Variants in CD2AP observed in about 807,000 individuals in gnomAD.
CD2AP encodes the protein CD2 associated protein, also known as CD2-associated protein.
In CD2AP, 46 loss-of-function variants were observed where a neutral mutation model predicts 85.1. The ratio of observed to expected loss-of-function variants is 0.54; its 90% CI spans 0.43 to 0.69. The LOEUF is 0.69. Among genes scored for constraint, CD2AP ranks in the 30% least tolerant of loss-of-function variants. The pLI is 0.00. For synonymous variants in CD2AP, 255 were observed against 252.9 expected (o/e 1.01, Z -0.08); for missense variants, 769 against 729.5 (o/e 1.05, Z -0.62).
intron 1 of CD2AP, among the ~76,000 whole-genome samples, chr6:47,498,002 T>G (rs1765910118): frequency 6.6e-6 from 1 of 152,170 alleles, no homozygotes; most frequent in Non-Finnish European, 1.5e-5. Flanking sequence ...TTTCATGTCT[T>G]CCTCTGTTTT....
chr6:47,514,222 T>G (rs1766394128), intron 2 of CD2AP, among the ~76,000 whole-genome samples: 3 of 152,202 alleles, frequency 2.0e-5, no homozygotes, highest in Admixed American at 2.0e-4. Context: ...TTTTTGTGTT[T>G]AGTATGATTA....
At chr6:47,575,835 A>G (rs1768293173) in intron 6 of CD2AP, among the ~76,000 whole-genome samples, 1 of 152,202 alleles carries the variant, frequency 6.6e-6, no homozygotes, top group South Asian at 2.1e-4. Flanking sequence ...AATGAAGTAT[A>G]AAGAGTTTTT....
chr6:47,509,037 T>G (rs906128736), intron 2 of CD2AP, among the ~76,000 whole-genome samples: 1 of 152,204 alleles, frequency 6.6e-6, no homozygotes, highest in Admixed American at 6.5e-5. Flanking sequence ...AGCTTTTGAT[T>G]TAAGTCAGAG....
chr6:47,512,518 T>C (rs1384543477), intron 2 of CD2AP, among the ~76,000 whole-genome samples: 2 of 152,212 alleles, frequency 1.3e-5, no homozygotes, highest in Non-Finnish European at 2.9e-5. Flanking sequence ...TGCTGAATTG[T>C]TTTTGTGGCT....
intron 4 of CD2AP, among the ~76,000 whole-genome samples, chr6:47,546,273 C>T (rs1354252290): frequency 3.9e-5 from 6 of 152,012 alleles, no homozygotes; most frequent in Non-Finnish European, 7.4e-5. Flanking sequence ...AGCTTAAAGA[C>T]AAGGTTTTTG....
intron 1 of CD2AP, among the ~76,000 whole-genome samples, chr6:47,483,410 A>G (rs1229361637): frequency 2.0e-5 from 3 of 152,172 alleles, no homozygotes; most frequent in African/African-American, 7.2e-5. Context: ...TCAGACTGGC[A>G]TCTTGGGGGA....
intron 2 of CD2AP, among the ~76,000 whole-genome samples, chr6:47,507,899 T>A (rs567774291): frequency 1.3e-5 from 2 of 152,348 alleles, no homozygotes; most frequent in South Asian, 4.1e-4. Flanking sequence ...ATCATCAATA[T>A]GCATTAGTAT....
chr6:47,618,476 C>G (rs568841141), intron 17 of CD2AP, among the ~76,000 whole-genome samples: 75 of 151,528 alleles, frequency 4.9e-4, no homozygotes, highest in Non-Finnish European at 8.7e-4. Flanking sequence ...TTTTTTTTAT[C>G]TTTGCTCATA....
chr6:47,558,500 A>G (rs751625179), intron 5 of CD2AP, among the ~76,000 whole-genome samples: 16 of 152,188 alleles, frequency 1.1e-4, no homozygotes, highest in Non-Finnish European at 1.3e-4. Context: ...ATGTTCCATC[A>G]ATACCTAGTT....
At chr6:47,511,073 C>CAAAAAAAAA (rs70999630) in intron 2 of CD2AP, among the ~76,000 whole-genome samples, 1 of 51,880 alleles carries the variant, frequency 1.9e-5, no homozygotes. Context: ...CTCTGTGTCT[C>CAAAAAAAAA]AAAAAAAAAA....
intron 2 of CD2AP, among the ~76,000 whole-genome samples, chr6:47,524,503 A>G (rs1362851164): frequency 6.6e-6 from 1 of 152,228 alleles, no homozygotes; most frequent in Non-Finnish European, 1.5e-5. Context: ...TAGATGAACA[A>G]AACTATTAGG....
At chr6:47,530,789 G>A (rs1190899157) in intron 2 of CD2AP, among the ~76,000 whole-genome samples, 1 of 152,126 alleles carries the variant, frequency 6.6e-6, no homozygotes, top group Non-Finnish European at 1.5e-5. Flanking sequence ...GTGATACTAT[G>A]TCAAGTAGTA....
intron 11 of CD2AP, among the ~76,000 whole-genome samples, chr6:47,591,961 A>G (rs531281104): frequency 1.1e-4 from 16 of 152,192 alleles, no homozygotes; most frequent in South Asian, 8.3e-4. Flanking sequence ...AGTAGCTGGG[A>G]CTAAAGGTAC....
intron 5 of CD2AP, among the ~76,000 whole-genome samples, chr6:47,571,019 C>T (rs1265881732): frequency 6.6e-6 from 1 of 152,184 alleles, no homozygotes; most frequent in East Asian, 1.9e-4. Context: ...AACCCCCTTC[C>T]CTGCCTTTTT....
chr6:47,615,662 G>A (rs968464848), intron 17 of CD2AP, among the ~76,000 whole-genome samples: 1 of 151,956 alleles, frequency 6.6e-6, no homozygotes, highest in Non-Finnish European at 1.5e-5. Context: ...CTCTCACCTG[G>A]CCCCACCTCC....
chr6:47,622,865 T>A (rs1438078785), intron 17 of CD2AP, among the ~76,000 whole-genome samples: 1 of 152,190 alleles, frequency 6.6e-6, no homozygotes, highest in Non-Finnish European at 1.5e-5. Flanking sequence ...GCCATGATGA[T>A]CCCTGTCCAG....
At chr6:47,482,341 C>A (rs548887822) in intron 1 of CD2AP, among the ~76,000 whole-genome samples, 6 of 150,402 alleles carry the variant, frequency 4.0e-5, no homozygotes, top group Non-Finnish European at 8.9e-5. Context: ...TTATAGTTTC[C>A]TGTAGAAATG....
chr6:47,626,962 T>G lies in CD2AP; in HGVS notation c.*2735T>G, dbSNP rs1769923671. 1 of 152,492 alleles carries G rather than the reference T, an allele frequency of 6.6e-6. No homozygotes were observed. The highest frequency in any genetic ancestry group is 2.4e-5 in the African/African-American group (1 of 41,436). 9.4% of individuals were successfully genotyped at this position (152,492 alleles called of 1,614,324 possible). ...TATTTTTGGCTATAAAATTTTACCC[T>G]GACTTGCTTTCAATAACTGTTACGT... On this transcript the variant is annotated 3_prime_UTR_variant, in exon 18 of 18. Coordinates refer to ENST00000359314, the MANE Select transcript of CD2AP (RefSeq NM_012120.3).
intron 1 of CD2AP, among the ~76,000 whole-genome samples, chr6:47,494,770 A>G (rs1765815855): frequency 6.6e-6 from 1 of 152,190 alleles, no homozygotes; most frequent in Non-Finnish European, 1.5e-5. Context: ...AGTCATCAAA[A>G]TTACCATTTA....
Sources: gnomAD v4.1 joint callset for allele counts (sites outside exome capture counted in the v4.1 genomes callset) on GRCh38, gnomAD v4.1.1 for gene constraint, MANE v1.5 for transcripts, NCBI Gene and HGNC (gene_info 2026-07-23, HGNC 2026-07-21) for gene names.